Variants in ADGRD1 observed in about 807,000 individuals in gnomAD.
ADGRD1 encodes the protein adhesion G protein-coupled receptor D1.
A neutral mutation model predicts 113.4 loss-of-function variants in ADGRD1; 77 were observed. The observed-to-expected ratio is 0.68, with a 90% CI of 0.57 to 0.82. The LOEUF is 0.82. Ranked by LOEUF, ADGRD1 falls within the 40% of genes least tolerant of loss-of-function variation. The probability of loss-of-function intolerance (pLI) is 0.00; values close to 1 mark genes in which losing one functional copy is unlikely to be tolerated. For synonymous variants in ADGRD1, 474 were observed against 475.0 expected (o/e 1.00, Z 0.03); for missense variants, 1,036 against 1,139.1 (o/e 0.91, Z 1.30).
intron 12 of ADGRD1, among the ~76,000 whole-genome samples, chr12:131,006,258 G>A (rs1402891013): frequency 6.6e-6 from 1 of 152,240 alleles, no homozygotes; most frequent in Non-Finnish European, 1.5e-5. Context: ...TGGAGGTCAG[G>A]AGCACGGGCC....
intron 11 of ADGRD1, 134 bp from the exon 12 acceptor site, chr12:131,005,838 C>G: frequency 1.4e-6 from 1 of 702,678 alleles, no homozygotes; most frequent in South Asian, 1.6e-5. Flanking sequence ...GCCCGAGTGT[C>G]CTTCACTTCC....
intron 20 of ADGRD1, among the ~76,000 whole-genome samples, chr12:131,131,038 C>T (rs1034897729): frequency 6.6e-6 from 1 of 152,232 alleles, no homozygotes; most frequent in Non-Finnish European, 1.5e-5. Context: ...CCTAACCCCG[C>T]AGCCAGAGGA....
chr12:131,117,802 C>G (rs1480923132), intron 18 of ADGRD1, among the ~76,000 whole-genome samples: 1 of 152,224 alleles, frequency 6.6e-6, no homozygotes, highest in African/African-American at 2.4e-5. Context: ...TCAGCCATGT[C>G]CGATGTCCCC....
intron 18 of ADGRD1, 142 bp from the exon 19 acceptor site, chr12:131,118,243 C>T (rs531890347): frequency 2.6e-5 from 16 of 627,256 alleles, no homozygotes; most frequent in Middle Eastern, 2.6e-4. Context: ...GTTCTGTGTC[C>T]CAACAATTAG....
At chr12:131,125,837 G>A (rs572668468) in intron 20 of ADGRD1, among the ~76,000 whole-genome samples, 13 of 152,138 alleles carry the variant, frequency 8.5e-5, no homozygotes, top group Non-Finnish European at 1.9e-4. Context: ...GCCTAGAGTT[G>A]GGCAAAATCA....
In ADGRD1 at chr12:131,075,602, C is replaced by G. The variant is rs1281413724; in HGVS notation, c.1474-1199C>G. On this transcript the variant is annotated intron_variant, in intron 13 of 24. Transcript: ENST00000261654. This position sits in a 1 kb window ranked among gnomAD's most constrained non-coding sequence, Gnocchi z 5.3. ...CAGCACTAGGATAATTGGGTTGAGG[C>G]TGGAGGAGCTGTCAGACAGATGCTG... Among the ~76,000 whole-genome samples the G allele has an allele frequency of 6.6e-6, 1 of 152,160 alleles. No individual in the cohort carries two copies. Among genetic ancestry groups the G allele is most frequent in the Non-Finnish European group, 1.5e-5 (1 of 68,016 alleles).
At chr12:131,079,602 C>T (rs1885910511) in intron 14 of ADGRD1, among the ~76,000 whole-genome samples, 1 of 152,136 alleles carries the variant, frequency 6.6e-6, no homozygotes, top group Non-Finnish European at 1.5e-5. Flanking sequence ...GTCACCTGAG[C>T]CTTCATTTTC....
chr12:130,994,653 A>G (rs1199826014), intron 8 of ADGRD1, among the ~76,000 whole-genome samples: 1 of 152,222 alleles, frequency 6.6e-6, no homozygotes, highest in African/African-American at 2.4e-5. Flanking sequence ...ATGTTGATTA[A>G]ACACCTACTT....
At chr12:131,130,010 G>A (rs1274826251) in intron 20 of ADGRD1, among the ~76,000 whole-genome samples, 2 of 152,236 alleles carry the variant, frequency 1.3e-5, no homozygotes, top group Non-Finnish European at 2.9e-5. Context: ...CATTAGTCAC[G>A]CGTTTGTCAC....
At position 131,053,168 on chromosome 12, in the gene ADGRD1, CCTT is replaced by C. The variant is rs1250077716; in HGVS notation, c.1474-23630_1474-23628del. ...TGGTTTCTAAAGCATAATTTACAGT[CCTT>C]CTGGTAGCTCTTTCTCTGACAGTGC... On this transcript the variant is annotated intron_variant, in intron 13 of 24. Coordinates refer to ENST00000261654, the MANE Select transcript of ADGRD1 (RefSeq NM_198827.5). 2.0e-5 allele frequency among the ~76,000 whole-genome samples: 3 copies of C among 152,300 alleles called. No individual in the cohort carries two copies. The East Asian group carries it at 5.8e-4, about 29-fold the overall frequency.
At chr12:131,093,469 G>T (rs1270062576) in intron 15 of ADGRD1, among the ~76,000 whole-genome samples, 2 of 152,208 alleles carry the variant, frequency 1.3e-5, no homozygotes, top group African/African-American at 4.8e-5. Context: ...ACCCAGCCAG[G>T]TGCAGCCTTG....
rs766475670 is a variant in ADGRD1, at chr12:130,991,063, C to T, written c.795C>T (p.Ser265=). Residue 265 remains serine (S), a synonymous_variant, in exon 7 of 25, where the codon TCC becomes TCT. Coordinates refer to ENST00000261654, the MANE Select transcript of ADGRD1 (RefSeq NM_198827.5). The stretch of plus-strand genomic sequence containing the variant: ...CGCTGCCAAGCCTCTTCATGACATC[C>T]ACAGCAAGCCCCGTGGTGAGCAGAC... ...SSTLPSLFMT[S]TASPVMPTDA... is the part of the protein sequence containing the mutation. The T allele has an allele frequency of 1.2e-6, 2 of 1,613,930 alleles. No homozygotes were observed. The highest frequency in any genetic ancestry group is 2.2e-5 in the South Asian group (2 of 91,062).
chr12:131,116,387 C>T (rs1000649326), intron 18 of ADGRD1, among the ~76,000 whole-genome samples: 1 of 148,294 alleles, frequency 6.7e-6, no homozygotes, highest in Non-Finnish European at 1.5e-5. Context: ...CATTTAAGTC[C>T]TTTTGACATT....
chr12:131,017,869 CTT>C (rs1273328403), intron 13 of ADGRD1, among the ~76,000 whole-genome samples: 8 of 151,682 alleles, frequency 5.3e-5, no homozygotes, highest in Admixed American at 3.3e-4. Context: ...GGCACACACA[CTT>C]AGTATACACA....
chr12:131,082,968 C>T (rs754624662), intron 14 of ADGRD1, among the ~76,000 whole-genome samples: 37 of 152,204 alleles, frequency 2.4e-4, no homozygotes, highest in Non-Finnish European at 4.7e-4. Context: ...ACCCCTCCCT[C>T]GCGCTCCACG....
intron 13 of ADGRD1, among the ~76,000 whole-genome samples, chr12:131,015,395 C>T (rs35587396): frequency 6.9e-6 from 1 of 144,332 alleles, no homozygotes; most frequent in Non-Finnish European, 1.5e-5. Flanking sequence ...TTGAGATGGA[C>T]ATGGGAATGG....
At chr12:130,986,476 A>T (rs1039672959) in intron 5 of ADGRD1, among the ~76,000 whole-genome samples, 1 of 152,186 alleles carries the variant, frequency 6.6e-6, no homozygotes, top group African/African-American at 2.4e-5. Context: ...ATGGGGAGCA[A>T]TTGACTTGTA....
chr12:131,089,264 G>C (rs1183909723), intron 15 of ADGRD1, among the ~76,000 whole-genome samples: 2 of 152,228 alleles, frequency 1.3e-5, no homozygotes, highest in African/African-American at 4.8e-5. Context: ...AGAGACAAAA[G>C]AAATAGACCA....
chr12:131,136,139 G>A lies in ADGRD1; in HGVS notation c.2370G>A (p.Met790Ile), dbSNP rs1412158264. 1.2e-6 allele frequency: 2 copies of A among 1,614,170 alleles called. No homozygotes were observed. Among genetic ancestry groups the A allele is most frequent in the South Asian group, 1.1e-5 (1 of 91,084 alleles). Residue 790 changes from methionine (M) to isoleucine (I), a missense_variant, in exon 22 of 25, where the codon ATG becomes ATA. Physicochemically the swap from Met to Ile is conservative, Grantham distance 10 (BLOSUM62 1). Coordinates refer to ENST00000261654, the MANE Select transcript of ADGRD1 (RefSeq NM_198827.5). ...GTTGTGCTGTGGTTTTCCAGTACAT[G>A]TTTGCCACGCTCAACTCCCTGCAGG... ...VNGCAVVFQYMFATLNSLQGL... is the reference protein window; with the variant it reads ...VNGCAVVFQYIFATLNSLQGL...
Sources: allele counts gnomAD v4.1 joint callset (sites outside exome capture counted in the v4.1 genomes callset), GRCh38; gene constraint gnomAD v4.1.1; non-coding constraint Gnocchi (gnomAD v3.1); transcripts MANE v1.5; gene names NCBI Gene and HGNC (gene_info 2026-07-23, HGNC 2026-07-21).